The following AFAP1 variants were observed in gnomAD, a reference collection of about 807,000 sequenced individuals.
The protein encoded by AFAP1 is actin filament-associated protein 1.
A neutral mutation model predicts 93.9 loss-of-function variants in AFAP1; 75 were observed. The ratio of observed to expected loss-of-function variants is 0.80; its 90% CI spans 0.66 to 0.97. AFAP1 has a LOEUF of 0.97. Ranked by LOEUF, AFAP1 falls within the 50% of genes least tolerant of loss-of-function variation. AFAP1 has a pLI of 0.00. For synonymous variants in AFAP1, 517 were observed against 430.7 expected (o/e 1.20, Z -2.48); for missense variants, 1,201 against 1,050.8 (o/e 1.14, Z -1.98).
In AFAP1 at chr4:7,786,300, C is replaced by G; in HGVS notation, c.1424G>C (p.Arg475Thr). 6.2e-7 allele frequency: 1 copy of G among 1,613,710 alleles called. No homozygotes were observed. The highest frequency in any genetic ancestry group is 8.5e-7 in the Non-Finnish European group (1 of 1,179,636). Residue 475 changes from arginine (R) to threonine (T), a missense_variant, in exon 12 of 18, where the codon AGG (arginine) becomes ACG (threonine). Physicochemically the swap from Arg to Thr is moderately conservative, Grantham distance 71. Coordinates refer to ENST00000420658, the MANE Select transcript of AFAP1 (RefSeq NM_001134647.2). Reference sequence around the variant, plus strand: ...ATATGGGTTAGCAGATATAACACGCCTGTTCATGAAACTGAAAGAAAGGAA... The same window carrying G: ...ATATGGGTTAGCAGATATAACACGCGTGTTCATGAAACTGAAAGAAAGGAA... ...TAKQTFCFMN[R>T]RVISANPYLG...
At chr4:7,899,037 A>G (rs1420040849) in intron 1 of AFAP1, among the ~76,000 whole-genome samples, 1 of 151,482 alleles carries the variant, frequency 6.6e-6, no homozygotes, top group Non-Finnish European at 1.5e-5. Flanking sequence ...ATATATATAT[A>G]TAAGTAATAC....
intron 6 of AFAP1, among the ~76,000 whole-genome samples, chr4:7,827,922 T>A (rs969481220): frequency 6.6e-6 from 1 of 152,050 alleles, no homozygotes; most frequent in Non-Finnish European, 1.5e-5. Context: ...ATTCGCTGTA[T>A]AAAAAAAGGT....
intron 16 of AFAP1, among the ~76,000 whole-genome samples, chr4:7,771,682 T>C (rs1715460673): frequency 6.6e-6 from 1 of 152,232 alleles, no homozygotes; most frequent in Non-Finnish European, 1.5e-5. Context: ...TTTCAAGCCC[T>C]GGCCTGTGTG....
chr4:7,781,704 A>G, intron 12 of AFAP1, 77 bp from the exon 13 acceptor site: 2 of 1,516,376 alleles, frequency 1.3e-6, no homozygotes, highest in Non-Finnish European at 1.8e-6. Flanking sequence ...GATGTCATTT[A>G]TTAATAGTAC....
intron 3 of AFAP1, among the ~76,000 whole-genome samples, chr4:7,867,502 T>G (rs1716559093): frequency 6.6e-6 from 1 of 152,202 alleles, no homozygotes; most frequent in African/African-American, 2.4e-5. Flanking sequence ...AGTCTTCTCC[T>G]GTCTGAGGCA....
chr4:7,789,920 T>C (rs115896099), intron 11 of AFAP1, among the ~76,000 whole-genome samples: 1,970 of 152,336 alleles, frequency 0.013, 22 homozygotes, highest in Non-Finnish European at 0.02. Context: ...TCATTGTAAA[T>C]AGGTTTTCAG....
chr4:7,836,735 G>A (rs760362381), intron 6 of AFAP1, among the ~76,000 whole-genome samples: 11 of 152,090 alleles, frequency 7.2e-5, no homozygotes, highest in South Asian at 2.1e-4. Flanking sequence ...GGCATGAGCC[G>A]CTGCGCCCAG....
chr4:7,903,297 C>T (rs1223182814), intron 1 of AFAP1, among the ~76,000 whole-genome samples: 3 of 152,166 alleles, frequency 2.0e-5, no homozygotes, highest in African/African-American at 7.2e-5. Flanking sequence ...TGTTAAAGAG[C>T]AATCAATGCT....
rs895482608 is a variant in AFAP1, at chr4:7,763,346, T to C, written c.*419A>G. 3.0e-5 allele frequency: 6 copies of C among 200,090 alleles called. No individual in the cohort carries two copies. Among genetic ancestry groups the C allele is most frequent in the African/African-American group, 1.4e-4 (6 of 42,496 alleles). 12.4% of individuals were successfully genotyped at this position (200,090 alleles called of 1,614,324 possible). ...CAGTGCCCATGGCCAGCCACACTCA[T>C]GCCCGGGGCAGCCGGGGATCCAAGC... On this transcript the variant is annotated 3_prime_UTR_variant, in exon 18 of 18. Coordinates refer to ENST00000420658, the MANE Select transcript of AFAP1 (RefSeq NM_001134647.2).
chr4:7,794,601 A>C (rs2149013266), intron 10 of AFAP1, among the ~76,000 whole-genome samples: 1 of 152,166 alleles, frequency 6.6e-6, no homozygotes, highest in East Asian at 1.9e-4. Flanking sequence ...AGCTCACTGC[A>C]GCCTCCAACT....
At position 7,827,569 on chromosome 4, in the gene AFAP1, C is replaced by CAAAAAAAAAAAAAAAAAAAAAAAAAAAAA. The variant is rs58075483; in HGVS notation, c.727-8399_727-8398insTTTTTTTTTTTTTTTTTTTTTTTTTTTTT. On this transcript the variant is annotated intron_variant, in intron 6 of 17. Transcript: ENST00000420658. Reference sequence around the variant, plus strand: ...ATGAACAAGAGTGAAACTCTGTCTCCAAAAAAAAAAAAAAAAAAAAAGGGA... The same window carrying CAAAAAAAAAAAAAAAAAAAAAAAAAAAAA: ...ATGAACAAGAGTGAAACTCTGTCTCCAAAAAAAAAAAAAAAAAAAAAAAAAAAAAAAAAAAAAAAAAAAAAAAAAAGGGA... Among the ~76,000 whole-genome samples, 7 of 52,246 alleles carry CAAAAAAAAAAAAAAAAAAAAAAAAAAAAA rather than the reference C, an allele frequency of 1.3e-4. 1 individual carries two copies. The highest frequency in any genetic ancestry group is 5.8e-4 in the Admixed American group (2 of 3,428). 34.3% of individuals were successfully genotyped at this position (52,246 alleles called of 152,430 possible). A position where few individuals can be genotyped will look rare whatever the true frequency, so the allele number is the denominator to read the frequency against.
At chr4:7,841,915 G>A (rs1713062027) in intron 5 of AFAP1, among the ~76,000 whole-genome samples, 1 of 151,970 alleles carries the variant, frequency 6.6e-6, no homozygotes, top group South Asian at 2.1e-4. Flanking sequence ...GAGGGCAGGG[G>A]AGAGGGACCA....
chr4:7,883,117 T>C (rs931928097), intron 1 of AFAP1, among the ~76,000 whole-genome samples: 12 of 141,264 alleles, frequency 8.5e-5, no homozygotes, highest in Non-Finnish European at 1.4e-4. Flanking sequence ...CCCAGGGAGG[T>C]TGAGGTTACG....
chr4:7,795,494 C>G (rs1437655641), intron 10 of AFAP1, among the ~76,000 whole-genome samples: 1 of 127,538 alleles, frequency 7.8e-6, no homozygotes, highest in East Asian at 2.2e-4. Flanking sequence ...GGTGTGATCT[C>G]GGCTCACTGC....
At chr4:7,907,863 C>T (rs1458186853) in intron 1 of AFAP1, among the ~76,000 whole-genome samples, 1 of 152,128 alleles carries the variant, frequency 6.6e-6, no homozygotes, top group Non-Finnish European at 1.5e-5. Flanking sequence ...GCCATTTAAT[C>T]CATACTAAAG....
intron 1 of AFAP1, among the ~76,000 whole-genome samples, chr4:7,917,790 C>A (rs1720166085): frequency 6.6e-6 from 1 of 152,166 alleles, no homozygotes; most frequent in African/African-American, 2.4e-5. Flanking sequence ...GTTCTGTGTA[C>A]CTGCCCGGGG....
Position 7,886,172 on chromosome 4 carries a change from A to T in AFAP1, c.-2-14092T>A, listed in dbSNP as rs1271244617. ...TGACCATTATTTGAACGACTGGATG[A>T]TTTTGAATACAAGTCATTAAACTTC... On this transcript the variant is annotated intron_variant, in intron 1 of 17. Transcript: ENST00000420658. Among the ~76,000 whole-genome samples, 6 of 152,318 alleles carry T rather than the reference A, an allele frequency of 3.9e-5. No individual in the cohort carries two copies. In the East Asian group the frequency reaches 1.2e-3, roughly 29 times the overall value.
Position 7,939,845 on chromosome 4 carries a change from C to G in AFAP1, c.-192G>C, listed in dbSNP as rs759602051. ...TCGCGGAGCTGCAGCCGGCGTGGGG[C>G]TGCGGCCGGGACAGACACCACGCAG... On this transcript the variant is annotated 5_prime_UTR_variant, in exon 1 of 18. Coordinates refer to ENST00000420658, the MANE Select transcript of AFAP1 (RefSeq NM_001134647.2). This position sits in a 1 kb window ranked among gnomAD's most constrained non-coding sequence, Gnocchi z 5.6. The G allele has an allele frequency of 1.1e-5, 3 of 275,254 alleles. No homozygotes were observed. Among genetic ancestry groups the G allele is most frequent in the South Asian group, 5.9e-5 (2 of 33,804 alleles). The allele number at this position is 275,254 out of a possible 1,614,324, so 17.1% of individuals were successfully genotyped here.
chr4:7,915,475 T>TC (rs1172831942), intron 1 of AFAP1, among the ~76,000 whole-genome samples: 1 of 95,714 alleles, frequency 1.0e-5, no homozygotes, highest in Non-Finnish European at 1.8e-5. Flanking sequence ...CAAAACCCCA[T>TC]CTAAAAAAAA....
Sources: gnomAD v4.1 joint callset for allele counts (sites outside exome capture counted in the v4.1 genomes callset) on GRCh38, gnomAD v4.1.1 for gene constraint, Gnocchi (gnomAD v3.1) non-coding constraint, MANE v1.5 for transcripts, NCBI Gene and HGNC (gene_info 2026-07-23, HGNC 2026-07-21) for gene names.